Variants in SMYD3 observed in about 807,000 individuals in gnomAD.
SMYD3 encodes the protein SET and MYND domain containing 3, also known as histone-lysine N-methyltransferase SMYD3.
In SMYD3, 36 loss-of-function variants were observed where a neutral mutation model predicts 57.7. The observed-to-expected ratio is 0.62, with a 90% CI of 0.48 to 0.82. The LOEUF (loss-of-function observed/expected upper bound fraction) is 0.82. SMYD3 is among the 40% of genes least tolerant of loss of function. The pLI is 0.00. For synonymous variants in SMYD3, 211 were observed against 195.0 expected (o/e 1.08, Z -0.68); for missense variants, 515 against 538.8 (o/e 0.96, Z 0.44).
intron 1 of SMYD3, among the ~76,000 whole-genome samples, chr1:246,503,791 C>T (rs1180849375): frequency 6.6e-6 from 1 of 151,928 alleles, no homozygotes; most frequent in Admixed American, 6.6e-5. Context: ...GGTGAAACCC[C>T]ATCTCTACTA....
chr1:245,870,763 G>A (rs1158672260), intron 8 of SMYD3, among the ~76,000 whole-genome samples: 2 of 152,160 alleles, frequency 1.3e-5, no homozygotes, highest in African/African-American at 4.8e-5. Flanking sequence ...TCTTCCATAG[G>A]GAAAGTTTGG....
chr1:246,274,873 G>C (rs1015221653), intron 5 of SMYD3, among the ~76,000 whole-genome samples: 1 of 152,020 alleles, frequency 6.6e-6, no homozygotes, highest in Non-Finnish European at 1.5e-5. Context: ...CTCTACCGGG[G>C]TCAGTACCAG....
chr1:245,997,020 T>C (rs957089053), intron 5 of SMYD3, among the ~76,000 whole-genome samples: 2 of 152,238 alleles, frequency 1.3e-5, no homozygotes, highest in African/African-American at 4.8e-5. Flanking sequence ...CGTCTGTGTC[T>C]AGGGTATGCG....
chr1:246,174,903 T>C (rs1449662347), intron 5 of SMYD3, among the ~76,000 whole-genome samples: 1 of 152,222 alleles, frequency 6.6e-6, no homozygotes, highest in Non-Finnish European at 1.5e-5. Flanking sequence ...TCGATGAATC[T>C]CTGCTGCTTT....
intron 10 of SMYD3, among the ~76,000 whole-genome samples, chr1:245,812,531 C>A (rs546491921): frequency 6.6e-6 from 1 of 152,222 alleles, no homozygotes; most frequent in African/African-American, 2.4e-5. Flanking sequence ...TGACCAACGT[C>A]ACCAGGGCTG....
At chr1:245,772,441 G>A (rs1416946168) in intron 10 of SMYD3, among the ~76,000 whole-genome samples, 2 of 152,184 alleles carry the variant, frequency 1.3e-5, no homozygotes, top group African/African-American at 4.8e-5. Flanking sequence ...CTCCAGGGCA[G>A]GAGTTCAAGT....
At chr1:245,817,140 T>C (rs928294562) in intron 10 of SMYD3, among the ~76,000 whole-genome samples, 1 of 150,712 alleles carries the variant, frequency 6.6e-6, no homozygotes, top group Non-Finnish European at 1.5e-5. Flanking sequence ...CAGACTTAAG[T>C]GTCCCTGTCT....
chr1:245,920,248 G>C (rs887051743), intron 7 of SMYD3, among the ~76,000 whole-genome samples: 1 of 150,470 alleles, frequency 6.6e-6, no homozygotes, highest in Non-Finnish European at 1.5e-5. Context: ...GGGAGGCGGA[G>C]CTTGCAGTGA....
At chr1:246,352,992 A>G (rs1044169898) in intron 2 of SMYD3, among the ~76,000 whole-genome samples, 5 of 152,236 alleles carry the variant, frequency 3.3e-5, no homozygotes, top group Non-Finnish European at 5.9e-5. Flanking sequence ...TGAAGTTCCT[A>G]GAAACAAATA....
At chr1:246,393,565 C>T (rs550340310) in intron 1 of SMYD3, among the ~76,000 whole-genome samples, 16 of 150,760 alleles carry the variant, frequency 1.1e-4, no homozygotes, top group Non-Finnish European at 1.8e-4. Context: ...ATAGAATTGC[C>T]TAGTGGCTCA....
At chr1:246,074,112 A>C (rs1416087) in intron 5 of SMYD3, among the ~76,000 whole-genome samples, 42,953 of 151,950 alleles carry the variant, frequency 0.28, 6,631 homozygotes, top group East Asian at 0.4. Context: ...AGTGTATTTT[A>C]TGTATGGCTC....
intron 10 of SMYD3, among the ~76,000 whole-genome samples, chr1:245,835,194 A>C (rs141854848): frequency 6.9e-6 from 1 of 145,350 alleles, no homozygotes; most frequent in Non-Finnish European, 1.5e-5. Flanking sequence ...ATCTTGGCTC[A>C]CTGCAACCTC....
chr1:246,380,007 CA>C (rs111443015), intron 1 of SMYD3, among the ~76,000 whole-genome samples: 60 of 104,590 alleles, frequency 5.7e-4, no homozygotes, highest in Non-Finnish European at 3.4e-4. Context: ...CACTCTGTCT[CA>C]AAAAAAAAAA....
At chr1:246,190,028 T>G (rs2062706699) in intron 5 of SMYD3, among the ~76,000 whole-genome samples, 1 of 152,162 alleles carries the variant, frequency 6.6e-6, no homozygotes, top group South Asian at 2.1e-4. Context: ...GAAATCCAGA[T>G]TATTAAATTC....
chr1:245,764,927 T>C (rs1206244466), intron 10 of SMYD3, among the ~76,000 whole-genome samples: 1 of 151,974 alleles, frequency 6.6e-6, no homozygotes, highest in Non-Finnish European at 1.5e-5. Flanking sequence ...ATTTACCATA[T>C]TGGATTTAAC....
chr1:245,970,270 G>A (rs2058264436), intron 5 of SMYD3, among the ~76,000 whole-genome samples: 1 of 152,190 alleles, frequency 6.6e-6, no homozygotes, highest in Admixed American at 6.5e-5. Context: ...GTAGAAAGGG[G>A]AAACTGGATC....
Position 246,335,467 on chromosome 1 carries a change from G to A in SMYD3, c.236C>T (p.Ala79Val). The A allele has an allele frequency of 6.2e-7, 1 of 1,614,046 alleles. No homozygotes were observed. Among genetic ancestry groups the A allele is most frequent in the Non-Finnish European group, 8.5e-7 (1 of 1,179,950 alleles). The change falls in exon 3 of 12, where the codon GCT becomes GTT. Residue 79 changes from alanine to valine, a missense_variant. By Grantham distance (64) the Ala-to-Val change is moderately conservative. Coordinates refer to ENST00000490107, the MANE Select transcript of SMYD3 (RefSeq NM_001167740.2). Reference sequence around the variant, plus strand: ...GCATTCCCGCTTGTGGTCTGGCCAAGCTTTTTTCTATTAAAACAAGAGTGG... The same window carrying A: ...GCATTCCCGCTTGTGGTCTGGCCAAACTTTTTTCTATTAAAACAAGAGTGG... ...KYCSAKCQKKAWPDHKRECKC... is the reference protein window; with the variant it reads ...KYCSAKCQKKVWPDHKRECKC...
chr1:245,929,254 A>C (rs2056572269), intron 6 of SMYD3, among the ~76,000 whole-genome samples: 1 of 152,222 alleles, frequency 6.6e-6, no homozygotes, highest in African/African-American at 2.4e-5. Context: ...ATAAGAAAAA[A>C]GGCTGAATTC....
At chr1:246,372,053 G>T (rs561086751) in intron 1 of SMYD3, among the ~76,000 whole-genome samples, 1 of 152,198 alleles carries the variant, frequency 6.6e-6, no homozygotes, top group African/African-American at 2.4e-5. Context: ...TATAAAGAAA[G>T]ACTAGCATGC....
Sources: allele counts gnomAD v4.1 joint callset (sites outside exome capture counted in the v4.1 genomes callset), GRCh38; gene constraint gnomAD v4.1.1; transcripts MANE v1.5; gene names NCBI Gene and HGNC (gene_info 2026-07-23, HGNC 2026-07-21).